ARFGEF2: variants seen among roughly 807,000 people sequenced by gnomAD.
The protein encoded by ARFGEF2 is ARF guanine nucleotide exchange factor 2, also known as brefeldin A-inhibited guanine nucleotide-exchange protein 2.
A neutral mutation model predicts 219.9 loss-of-function variants in ARFGEF2; 74 were observed. The observed-to-expected ratio is 0.34, with a 90% CI of 0.28 to 0.41. ARFGEF2 has a LOEUF of 0.41. ARFGEF2 is among the 10% of genes least tolerant of loss of function. The pLI is 1.00. For synonymous variants in ARFGEF2, 733 were observed against 799.2 expected, an observed-to-expected ratio of 0.92 and a Z score of 1.40; for missense variants, 1,743 against 2,218.3, an observed-to-expected ratio of 0.79 and a Z score of 4.30.
chr20:48,985,490 G>C lies in ARFGEF2; in HGVS notation c.2153G>C (p.Cys718Ser). Residue 718 changes from cysteine to serine, a missense_variant, in exon 16 of 39, where the codon TGT becomes TCT. This residue lies in a region of ARFGEF2 where 666 missense variants were observed against 955.4 expected (regional missense o/e 0.70). Coordinates refer to ENST00000371917, the MANE Select transcript of ARFGEF2 (RefSeq NM_006420.3). ...GCCTACGTGGACCAACTTGACTTCT[G>C]TGAAAAAGAATTTGTCTCAGCCCTG... ...MYAYVDQLDF[C>S]EKEFVSALRT... is the part of the protein sequence containing the mutation. The C allele has an allele frequency of 6.2e-7, 1 of 1,614,206 alleles. No individual in the cohort carries two copies. Among genetic ancestry groups the C allele is most frequent in the South Asian group, 1.1e-5 (1 of 91,080 alleles).
At chr20:48,985,685 G>T in intron 16 of ARFGEF2, 72 bp downstream of exon 16, 1 of 1,514,176 alleles carries the variant, frequency 6.6e-7, no homozygotes, top group East Asian at 2.3e-5. Flanking sequence ...TAATTTGGTT[G>T]GGGTTTAATC....
At chr20:48,987,278 G>T (rs1218475678) in intron 16 of ARFGEF2, among the ~76,000 whole-genome samples, 1 of 152,188 alleles carries the variant, frequency 6.6e-6, no homozygotes, top group Non-Finnish European at 1.5e-5. Flanking sequence ...CATATTAAAA[G>T]ACCTTTGTTG....
At chr20:48,935,501 A>G (rs1217345743) in intron 1 of ARFGEF2, among the ~76,000 whole-genome samples, 1 of 152,030 alleles carries the variant, frequency 6.6e-6, no homozygotes, top group Non-Finnish European at 1.5e-5. Flanking sequence ...CTCTTTCTAC[A>G]CAGACACGGC....
intron 1 of ARFGEF2, among the ~76,000 whole-genome samples, chr20:48,933,149 C>T (rs1478593425): frequency 6.6e-6 from 1 of 152,208 alleles, no homozygotes; most frequent in Non-Finnish European, 1.5e-5. Context: ...AGCTGCCCCA[C>T]CCTGCTCCAG....
chr20:48,952,689 C>T lies in ARFGEF2; in HGVS notation c.424-16C>T, dbSNP rs41304647. On this transcript the variant is annotated splice_polypyrimidine_tract_variant and intron_variant, in intron 4 of 38. Transcript: ENST00000371917. The stretch of plus-strand genomic sequence containing the variant: ...TGTGCGTTCCTGATGGTGAAGGTCG[C>T]GGATTTCTATTTTAGGCTCTTCTGA... The T allele has an allele frequency of 0.06, 96,456 of 1,613,286 alleles. 3,267 individuals carry two copies. The highest frequency in any genetic ancestry group is 0.11 in the South Asian group (10,055 of 91,036).
chr20:48,961,083 T>TATTATAATA (rs1555809248), intron 6 of ARFGEF2, among the ~76,000 whole-genome samples: 12 of 144,012 alleles, frequency 8.3e-5, no homozygotes, highest in African/African-American at 2.8e-4. Flanking sequence ...TGTCTCAAAA[T>TATTATAATA]ATAATAATAA....
chr20:48,950,805 AAAAAAAATATATATATATAT>A (rs2091062792), intron 3 of ARFGEF2, among the ~76,000 whole-genome samples: 1 of 40,240 alleles, frequency 2.5e-5, no homozygotes, highest in Non-Finnish European at 4.9e-5. Flanking sequence ...AAAAAAAAAA[AAAAAAAATATATATATATAT>A]ATATATATAT....
rs55874131 is a variant in ARFGEF2 at position 49,033,693 on chromosome 20, G to A, written c.*494G>A. On this transcript the variant is annotated 3_prime_UTR_variant, in exon 39 of 39. Transcript: ENST00000371917. ...AAATTTGAATGTTTTTGTCAGTTAC[G>A]AGTCAGCCGTAATTAGATTAGTTTA... 0.043 allele frequency: 6,972 copies of A among 162,536 alleles called. 476 individuals are homozygous for A. Among genetic ancestry groups the A allele is most frequent in the African/African-American group, 0.15 (6,243 of 41,654 alleles). 10.1% of individuals were successfully genotyped at this position (162,536 alleles called of 1,614,324 possible).
intron 1 of ARFGEF2, among the ~76,000 whole-genome samples, chr20:48,935,001 T>A (rs1158530964): frequency 6.6e-6 from 1 of 152,232 alleles, no homozygotes; most frequent in Non-Finnish European, 1.5e-5. Context: ...TTTCTCCACA[T>A]CCTCTCCAGC....
chr20:49,027,047 T>A (rs891144852), intron 36 of ARFGEF2, among the ~76,000 whole-genome samples: 3 of 152,078 alleles, frequency 2.0e-5, no homozygotes, highest in Non-Finnish European at 2.9e-5. Flanking sequence ...TGATTGGTAC[T>A]AGTTTGTTTT....
intron 8 of ARFGEF2, among the ~76,000 whole-genome samples, chr20:48,966,840 A>C (rs1259762406): frequency 6.6e-6 from 1 of 152,152 alleles, no homozygotes; most frequent in Non-Finnish European, 1.5e-5. Flanking sequence ...AAAAATAATA[A>C]GGGTTTGTTG....
intron 8 of ARFGEF2, among the ~76,000 whole-genome samples, chr20:48,968,425 A>T (rs909087270): frequency 1.4e-5 from 2 of 139,974 alleles, no homozygotes; most frequent in African/African-American, 2.6e-5. Flanking sequence ...TCTTTTTTTT[A>T]CTTTTTTTTT....
rs772035972 is a variant in ARFGEF2 at position 48,951,417 on chromosome 20, G to T, written c.371G>T (p.Ser124Ile). Residue 124 changes from serine (S) to isoleucine (I), a missense_variant, in exon 4 of 39, where the codon AGT (serine) becomes ATT (isoleucine). Ser to Ile is a moderately radical substitution (Grantham distance 142). Around this residue, in one of 5 missense-constraint regions of ARFGEF2, gnomAD observed 394 missense variants for 426.6 expected, o/e 0.92. Transcript: ENST00000371917. ...LIDRIVETIC[S>I]CFQGPQTDEG... Reference sequence around the variant, plus strand: ...GACAGAATTGTTGAAACCATTTGCAGTTGTTTTCAGGGCCCTCAGACTGAT... The same window carrying T: ...GACAGAATTGTTGAAACCATTTGCATTTGTTTTCAGGGCCCTCAGACTGAT... 3.7e-6 allele frequency: 6 copies of T among 1,614,218 alleles called. No homozygotes were observed. The highest frequency in any genetic ancestry group is 5.1e-6 in the Non-Finnish European group (6 of 1,180,048).
At chr20:49,032,805 C>T (rs1194185265) in intron 38 of ARFGEF2, among the ~76,000 whole-genome samples, 1 of 152,020 alleles carries the variant, frequency 6.6e-6, no homozygotes, top group Non-Finnish European at 1.5e-5. Context: ...GTTGCCTAGG[C>T]TGGTCTCGAT....
chr20:49,023,259 C>T (rs1330862906), intron 35 of ARFGEF2, 78 bp downstream of exon 35: 1 of 1,556,020 alleles, frequency 6.4e-7, no homozygotes, highest in Non-Finnish European at 8.8e-7. Context: ...CGGAAGCCAG[C>T]TTGTACTGGC....
rs144190029 is a variant in ARFGEF2, at chr20:48,998,347, C to T, written c.3274C>T (p.Arg1092Cys). The T allele has an allele frequency of 4.4e-5, 71 of 1,613,990 alleles. No homozygotes were observed. Among genetic ancestry groups the T allele is most frequent in the South Asian group, 8.8e-5 (8 of 91,078 alleles). ...LDGNAIVDFV[R>C]WLCAVSMDEL... ...GGTCTGGCCTGTAGTTGACTTTGTC[C>T]GCTGGCTGTGTGCTGTGTCCATGGA... The change falls in exon 25 of 39, where the codon CGC becomes TGC. Residue 1092 changes from arginine to cysteine, a missense_variant. Physicochemically the swap from Arg to Cys is radical, Grantham distance 180. This residue lies in a region of ARFGEF2 where 666 missense variants were observed against 955.4 expected (regional missense o/e 0.70). Coordinates refer to ENST00000371917, the MANE Select transcript of ARFGEF2 (RefSeq NM_006420.3).
At chr20:49,009,140 G>A (rs2123512719) in intron 26 of ARFGEF2, among the ~76,000 whole-genome samples, 1 of 152,162 alleles carries the variant, frequency 6.6e-6, no homozygotes, top group Non-Finnish European at 1.5e-5. Context: ...TTCTCCATGG[G>A]GAGACAACCA....
At chr20:48,971,678 GAT>G (rs1214765994) in intron 10 of ARFGEF2, among the ~76,000 whole-genome samples, 1 of 152,056 alleles carries the variant, frequency 6.6e-6, no homozygotes, top group African/African-American at 2.4e-5. Context: ...GAGGCGGGCG[GAT>G]CATGAGGTCA....
chr20:49,023,011 C>T (rs1361686885), intron 34 of ARFGEF2, 40 bp from the exon 35 acceptor site: 1 of 1,613,246 alleles, frequency 6.2e-7, no homozygotes, highest in South Asian at 1.1e-5. Context: ...TCAGTATTGG[C>T]TGAATCATTA....
Sources: gnomAD v4.1 joint callset for allele counts (sites outside exome capture counted in the v4.1 genomes callset) on GRCh38, gnomAD v4.1.1 for gene constraint, gnomAD v4.1.1 regional missense constraint, MANE v1.5 for transcripts, NCBI Gene and HGNC (gene_info 2026-07-23, HGNC 2026-07-21) for gene names.